HDAC5: variants seen among roughly 807,000 people sequenced by gnomAD.
The protein encoded by HDAC5 is histone deacetylase 5.
Under a neutral mutation model 133.3 loss-of-function variants are expected in HDAC5, and 25 were observed. That is an observed-to-expected ratio of 0.19 (90% CI 0.14 to 0.26). The LOEUF is 0.26. HDAC5 is among the 10% of genes least tolerant of loss of function. The pLI is 1.00. For synonymous variants in HDAC5, 589 were observed against 610.8 expected (o/e 0.96, Z 0.53); for missense variants, 1,041 against 1,460.5 (o/e 0.71, Z 4.68).
intron 23 of HDAC5, 149 bp downstream of exon 23, chr17:44,079,958 T>A: frequency 1.5e-6 from 1 of 669,482 alleles, no homozygotes; most frequent in South Asian, 1.7e-5. Flanking sequence ...GAGGACAAGT[T>A]GGGGGAGTTA....
chr17:44,113,295 C>CA (rs1253422324), intron 2 of HDAC5, among the ~76,000 whole-genome samples: 1 of 152,180 alleles, frequency 6.6e-6, no homozygotes, highest in East Asian at 1.9e-4. Context: ...AAGATAGTAG[C>CA]ACCCAGGACA....
intron 16 of HDAC5, among the ~76,000 whole-genome samples, chr17:44,084,142 C>T (rs2050533970): frequency 6.6e-6 from 1 of 151,448 alleles, no homozygotes; most frequent in Admixed American, 6.6e-5. Context: ...AAAGGCACCT[C>T]AACTGCCACA....
In HDAC5 at chr17:44,086,619, C is replaced by G; in HGVS notation, c.2003G>C (p.Gly668Ala). The G allele has an allele frequency of 1.5e-6, 2 of 1,303,272 alleles. No homozygotes were observed. Among genetic ancestry groups the G allele is most frequent in the Non-Finnish European group, 2.0e-6 (2 of 1,018,072 alleles). 80.7% of individuals were successfully genotyped at this position (1,303,272 alleles called of 1,614,324 possible). A position where few individuals can be genotyped will look rare whatever the true frequency, so the allele number is the denominator to read the frequency against. ...RTQSSPAAPGGMKSPPDQPVK... is the reference protein window; with the variant it reads ...RTQSSPAAPGAMKSPPDQPVK... ...GGGCTGGTCTGGGGGGCTCTTCATG[C>G]CCCCAGGGGCAGCAGGGGAGGACTG... Residue 668 changes from glycine (G) to alanine (A), a missense_variant, in exon 14 of 27, where the codon GGC becomes GCC. Physicochemically the swap from Gly to Ala is moderately conservative, Grantham distance 60 (BLOSUM62 0). Coordinates refer to ENST00000682912, the MANE Select transcript of HDAC5 (RefSeq NM_005474.5).
chr17:44,098,748 A>AAAG (rs71275963), intron 3 of HDAC5, among the ~76,000 whole-genome samples: 2 of 150,958 alleles, frequency 1.3e-5, no homozygotes, highest in East Asian at 3.9e-4. Context: ...CTAAAAAAAA[A>AAAG]AAAAAAAAGA....
chr17:44,078,396 C>G lies in HDAC5; in HGVS notation c.3349G>C (p.Glu1117Gln). 1 of 1,528,494 alleles carries G rather than the reference C, an allele frequency of 6.5e-7. No homozygotes were observed. The highest frequency in any genetic ancestry group is 1.3e-5 in the South Asian group (1 of 78,162). 94.7% of individuals were successfully genotyped at this position (1,528,494 alleles called of 1,614,324 possible). A position where few individuals can be genotyped will look rare whatever the true frequency, so the allele number is the denominator to read the frequency against. ...GGGCGTCACAGGGCAGGCTCCTGCT[C>G]CATGGGCTCCTCTGCCGGCCTGTGG... ...HSPRPAEEPM[E>Q]QEPAL The change falls in exon 27 of 27, where the codon GAG becomes CAG. Residue 1117 changes from glutamate to glutamine, a missense_variant. Glu to Gln is a conservative substitution (Grantham distance 29, BLOSUM62 2). This residue lies in a region of HDAC5 where 95 missense variants were observed against 107.3 expected (regional missense o/e 0.88). Transcript: ENST00000682912.
In HDAC5 at chr17:44,078,646, C is replaced by T; in HGVS notation, c.3183G>A (p.Val1061=). ...GGCCCAGACCAGCGGCGAACTTCTGCACACAGCTCCAGTGTTTGCCTGTGG... is the reference window on the plus strand; with the variant it reads ...GGCCCAGACCAGCGGCGAACTTCTGTACACAGCTCCAGTGTTTGCCTGTGG... The part of the protein sequence containing the change: ...IEIQSKHWSC[V]QKFAAGLGRS... Residue 1061 remains valine, a synonymous_variant, in exon 26 of 27, where the codon GTG becomes GTA. Coordinates refer to ENST00000682912, the MANE Select transcript of HDAC5 (RefSeq NM_005474.5). 1.9e-6 allele frequency: 3 copies of T among 1,605,714 alleles called. No homozygotes were observed. The highest frequency in any genetic ancestry group is 2.5e-6 in the Non-Finnish European group (3 of 1,179,156).
chr17:44,082,698 G>A (rs754724677), intron 19 of HDAC5, 26 bp from the exon 20 acceptor site: 2 of 1,611,740 alleles, frequency 1.2e-6, no homozygotes, highest in Admixed American at 1.7e-5. Context: ...AAGGGCAGGA[G>A]GTCAGCCTCA....
intron 11 of HDAC5, among the ~76,000 whole-genome samples, chr17:44,091,012 G>T (rs982416133): frequency 1.1e-4 from 17 of 152,212 alleles, no homozygotes; most frequent in Non-Finnish European, 1.6e-4. Context: ...TTTTAATGTG[G>T]ATGCTAGAAA....
chr17:44,105,982 A>C (rs970420380), intron 3 of HDAC5, among the ~76,000 whole-genome samples: 2 of 152,208 alleles, frequency 1.3e-5, no homozygotes, highest in African/African-American at 2.4e-5. Context: ...CAGGGTGTCA[A>C]GGCCTGAGAA....
intron 11 of HDAC5, 83 bp downstream of exon 11, chr17:44,091,187 G>GAAC: frequency 9.9e-7 from 1 of 1,009,714 alleles, no homozygotes; most frequent in Non-Finnish European, 1.5e-6. Context: ...CTGCTAAGGG[G>GAAC]AACTGTGACA....
chr17:44,104,732 T>G (rs2051827505), intron 3 of HDAC5, among the ~76,000 whole-genome samples: 1 of 152,234 alleles, frequency 6.6e-6, no homozygotes, highest in Non-Finnish European at 1.5e-5. Flanking sequence ...GCACAAGTTT[T>G]GGGCCTTGCT....
intron 1 of HDAC5, among the ~76,000 whole-genome samples, chr17:44,118,128 C>T (rs997989981): frequency 2.0e-5 from 3 of 152,190 alleles, no homozygotes; most frequent in African/African-American, 4.8e-5. Flanking sequence ...AACTGGTATC[C>T]CAGCCTCCAT....
intron 18 of HDAC5, among the ~76,000 whole-genome samples, chr17:44,083,180 AG>A: frequency 6.6e-6 from 1 of 152,172 alleles, no homozygotes; most frequent in East Asian, 1.9e-4. Context: ...TATGTTGCCC[AG>A]GCTGGTCTCG....
chr17:44,117,966 C>T lies in HDAC5; in HGVS notation c.-189-262G>A, dbSNP rs2052751624. On this transcript the variant is annotated intron_variant, in intron 1 of 26. Transcript: ENST00000682912. This position sits in a 1 kb window ranked among gnomAD's most constrained non-coding sequence, Gnocchi z 4.2. ...CCCCTTTTCAGGTGAGTGTCTACTG[C>T]CAGCTGGGGAGACCCTATAGACTCC... Among the ~76,000 whole-genome samples, 1 of 152,184 alleles carries T rather than the reference C, an allele frequency of 6.6e-6. No individual in the cohort carries two copies. Among genetic ancestry groups the T allele is most frequent in the South Asian group, 2.1e-4 (1 of 4,834 alleles).
chr17:44,084,692 T>TA lies in HDAC5; in HGVS notation c.2185-18dup. 6.2e-7 allele frequency: 1 copy of TA among 1,613,382 alleles called. No individual in the cohort carries two copies. Among genetic ancestry groups the TA allele is most frequent in the Non-Finnish European group, 8.5e-7 (1 of 1,179,580 alleles). ...TCGGATCCGCTGCCAGGAGGATCAG[T>TA]AAGAGGGGTCACACAAAGGCACAGC... On this transcript the variant is annotated splice_polypyrimidine_tract_variant and intron_variant, in intron 15 of 26. Coordinates refer to ENST00000682912, the MANE Select transcript of HDAC5 (RefSeq NM_005474.5).
chr17:44,100,578 CAAAAAAAAAAA>C (rs869274112), intron 3 of HDAC5, among the ~76,000 whole-genome samples: 25 of 89,376 alleles, frequency 2.8e-4, no homozygotes, highest in Admixed American at 5.8e-4. Flanking sequence ...ACTAAAGATA[CAAAAAAAAAAA>C]AAAAAAAAAA....
intron 3 of HDAC5, among the ~76,000 whole-genome samples, chr17:44,094,422 G>C (rs144767023): frequency 6.6e-6 from 1 of 152,060 alleles, no homozygotes; most frequent in East Asian, 1.9e-4. Context: ...TAGATCACGA[G>C]GTCAGGAGAT....
chr17:44,079,197 T>A lies in HDAC5; in HGVS notation c.3025A>T (p.Thr1009Ser). 1 of 1,612,894 alleles carries A rather than the reference T, an allele frequency of 6.2e-7. No homozygotes were observed. Among genetic ancestry groups the A allele is most frequent in the South Asian group, 1.1e-5 (1 of 91,016 alleles). ...GCCTCAGAGGCATCACAGATGGCGG[T>A]CAAGTCATGGCCTCCCTCCAGGGCC... Reference protein sequence around the residue: ...VLALEGGHDLTAICDASEACV... With the variant: ...VLALEGGHDLSAICDASEACV... Residue 1009 changes from threonine (T) to serine (S), a missense_variant, in exon 24 of 27, where the codon ACC becomes TCC. Around this residue, in one of 9 missense-constraint regions of HDAC5, gnomAD observed 174 missense variants for 352.7 expected, o/e 0.49. Coordinates refer to ENST00000682912, the MANE Select transcript of HDAC5 (RefSeq NM_005474.5).
rs116536644 is a variant in HDAC5, at chr17:44,104,746, G to A, written c.94+5983C>T. On this transcript the variant is annotated intron_variant, in intron 3 of 26. Transcript: ENST00000682912. Reference sequence around the variant, plus strand: ...AGCACAAGTTTTGGGCCTTGCTCTCGGGGCCCCCAGCTGCAAGCAGTCCAA... The same window carrying A: ...AGCACAAGTTTTGGGCCTTGCTCTCAGGGCCCCCAGCTGCAAGCAGTCCAA... Among the ~76,000 whole-genome samples, 1,194 of 152,178 alleles carry A rather than the reference G, an allele frequency of 7.8e-3. 16 individuals are homozygous for A. Among genetic ancestry groups the A allele is most frequent in the African/African-American group, 0.026 (1,087 of 41,518 alleles).
Sources: allele counts gnomAD v4.1 joint callset (sites outside exome capture counted in the v4.1 genomes callset), GRCh38; gene constraint gnomAD v4.1.1; regional missense constraint gnomAD v4.1.1; non-coding constraint Gnocchi (gnomAD v3.1); transcripts MANE v1.5; gene names NCBI Gene and HGNC (gene_info 2026-07-23, HGNC 2026-07-21).